Variants in CCDC178 observed in about 807,000 individuals in gnomAD.
The protein encoded by CCDC178 is coiled-coil domain containing 178.
In CCDC178, 126 loss-of-function variants were observed where a neutral mutation model predicts 117.4. The ratio of observed to expected loss-of-function variants is 1.07; its 90% confidence interval spans 0.93 to 1.24. The LOEUF (loss-of-function observed/expected upper bound fraction) is 1.24. Ranked by LOEUF, CCDC178 falls within the 50% of genes most tolerant of loss-of-function variation. The pLI is 0.00. For missense variants in CCDC178, 1,030 were observed against 986.9 expected (o/e 1.04, Z -0.59); for synonymous variants, 283 against 313.4 (o/e 0.90, Z 1.02).
At chr18:33,419,591 G>T (rs1186621729) in intron 2 of CCDC178, among the ~76,000 whole-genome samples, 1 of 151,920 alleles carries the variant, frequency 6.6e-6, no homozygotes, top group Non-Finnish European at 1.5e-5. Flanking sequence ...TAACTAATAA[G>T]TACAAACCAA....
chr18:33,285,670 T>C (rs2060090008), intron 12 of CCDC178, among the ~76,000 whole-genome samples: 1 of 152,132 alleles, frequency 6.6e-6, no homozygotes, highest in Admixed American at 6.5e-5. Context: ...TGGTTAAATA[T>C]AAATATAATA....
At chr18:32,999,390 C>A (rs2055585231) in intron 21 of CCDC178, among the ~76,000 whole-genome samples, 1 of 152,154 alleles carries the variant, frequency 6.6e-6, no homozygotes. Context: ...CATCTCTGGA[C>A]CCACTCAGGG....
At chr18:33,269,077 T>G (rs757705344) in intron 12 of CCDC178, among the ~76,000 whole-genome samples, 2 of 151,770 alleles carry the variant, frequency 1.3e-5, no homozygotes, top group Non-Finnish European at 2.9e-5. Flanking sequence ...TTGTCTTTAT[T>G]TGACCTGTCT....
At chr18:33,323,463 A>G (rs1282000966) in intron 11 of CCDC178, 28 bp downstream of exon 11, 2 of 1,380,880 alleles carry the variant, frequency 1.4e-6, no homozygotes, top group East Asian at 2.6e-5. Flanking sequence ...TCTAAATGCT[A>G]TAATTAGTGT....
intron 21 of CCDC178, 112 bp downstream of exon 21, chr18:33,092,649 C>A: frequency 1.5e-5 from 9 of 597,266 alleles, no homozygotes; most frequent in Non-Finnish European, 2.1e-5. Flanking sequence ...GAAAATAGGC[C>A]ATGTTGTGGA....
At chr18:33,253,590 G>C (rs1451315155) in intron 14 of CCDC178, among the ~76,000 whole-genome samples, 2 of 151,860 alleles carry the variant, frequency 1.3e-5, no homozygotes, top group African/African-American at 4.8e-5. Flanking sequence ...AAGAAGAACA[G>C]AGCTTTCTGA....
chr18:33,066,472 T>C (rs1211845299), intron 21 of CCDC178, among the ~76,000 whole-genome samples: 1 of 152,046 alleles, frequency 6.6e-6, no homozygotes, highest in Admixed American at 6.6e-5. Context: ...ATTAAGACAA[T>C]AAAATGATAG....
intron 21 of CCDC178, among the ~76,000 whole-genome samples, chr18:32,984,676 T>C (rs9958315): frequency 0.096 from 14,583 of 151,854 alleles, 1,037 homozygotes; most frequent in African/African-American, 0.19. Context: ...ATTGAAAAAA[T>C]TGTTAAACCA....
intron 22 of CCDC178, among the ~76,000 whole-genome samples, chr18:32,959,418 A>C (rs2054661492): frequency 6.6e-6 from 1 of 152,096 alleles, no homozygotes; most frequent in Non-Finnish European, 1.5e-5. Flanking sequence ...CAAAAATAAA[A>C]ACTGAGTCTG....
At chr18:33,438,878 C>T (rs557443463) in intron 2 of CCDC178, among the ~76,000 whole-genome samples, 1 of 152,254 alleles carries the variant, frequency 6.6e-6, no homozygotes, top group South Asian at 2.1e-4. Context: ...CCTCATTAAT[C>T]TTCAGTCCCA....
At chr18:33,139,640 G>T (rs536068509) in intron 20 of CCDC178, among the ~76,000 whole-genome samples, 1 of 152,156 alleles carries the variant, frequency 6.6e-6, no homozygotes, top group Non-Finnish European at 1.5e-5. Context: ...TCTGGCAGAA[G>T]AAATTTCTAA....
At chr18:33,167,970 T>C (rs2058553659) in intron 20 of CCDC178, among the ~76,000 whole-genome samples, 1 of 152,152 alleles carries the variant, frequency 6.6e-6, no homozygotes. Context: ...AAGTTCCTTA[T>C]AGGTTTTGGA....
chr18:32,962,964 T>C (rs924810422), intron 22 of CCDC178, among the ~76,000 whole-genome samples: 9 of 152,068 alleles, frequency 5.9e-5, no homozygotes, highest in Non-Finnish European at 7.4e-5. Flanking sequence ...ATTTCTGAAA[T>C]ATCAACCCTA....
At chr18:33,231,801 T>C (rs192061632) in intron 15 of CCDC178, among the ~76,000 whole-genome samples, 1 of 152,252 alleles carries the variant, frequency 6.6e-6, no homozygotes, top group Admixed American at 6.5e-5. Flanking sequence ...CGCAGATAGC[T>C]GCTGCTGAAC....
intron 21 of CCDC178, among the ~76,000 whole-genome samples, chr18:32,980,364 A>G (rs1344522123): frequency 1.5e-4 from 23 of 151,770 alleles, no homozygotes; most frequent in Admixed American, 1.5e-3. Flanking sequence ...CGGGCGGATC[A>G]CGAGGTCAGG....
chr18:33,105,820 C>T (rs184260365), intron 20 of CCDC178, among the ~76,000 whole-genome samples: 66 of 151,632 alleles, frequency 4.4e-4, no homozygotes, highest in African/African-American at 1.6e-3. Flanking sequence ...ACCTGCTTTG[C>T]TGCCTCCATA....
intron 6 of CCDC178, 55 bp from the exon 7 acceptor site, chr18:33,356,401 G>T: frequency 7.2e-7 from 1 of 1,384,154 alleles, no homozygotes; most frequent in Non-Finnish European, 9.7e-7. Flanking sequence ...TTAAAAAACT[G>T]AATAAATGTC....
chr18:33,421,893 C>T (rs1173023936), intron 2 of CCDC178, among the ~76,000 whole-genome samples: 2 of 152,158 alleles, frequency 1.3e-5, no homozygotes, highest in Non-Finnish European at 2.9e-5. Context: ...AAACTTGTGT[C>T]TTCTTAAACT....
chr18:33,114,603 C>T (rs917366933), intron 20 of CCDC178, among the ~76,000 whole-genome samples: 1 of 151,966 alleles, frequency 6.6e-6, no homozygotes, highest in Non-Finnish European at 1.5e-5. Context: ...GCAAATAGCT[C>T]TTTTTCACAT....
Sources: gnomAD v4.1 joint callset for allele counts (sites outside exome capture counted in the v4.1 genomes callset) on GRCh38, gnomAD v4.1.1 for gene constraint, MANE v1.5 for transcripts, NCBI Gene and HGNC (gene_info 2026-07-23, HGNC 2026-07-21) for gene names.